The following AGBL4 variants were observed in gnomAD, a reference collection of about 807,000 sequenced individuals.
The protein encoded by AGBL4 is cytosolic carboxypeptidase 6.
AGBL4 carries 58 observed loss-of-function variants against 66.4 expected under a neutral mutation model. The observed-to-expected ratio is 0.87, with a 90% confidence interval of 0.71 to 1.09. The LOEUF (loss-of-function observed/expected upper bound fraction) is 1.09. Among genes scored for constraint, AGBL4 ranks in the 50% least tolerant of loss-of-function variants. The pLI, the probability that AGBL4 is intolerant of heterozygous loss-of-function variation, is 0.00. For synonymous variants in AGBL4, 234 were observed against 222.9 expected (o/e 1.05, Z -0.44); for missense variants, 579 against 631.0 (o/e 0.92, Z 0.88).
At chr1:49,653,914 A>G (rs1349908654) in intron 3 of AGBL4, among the ~76,000 whole-genome samples, 1 of 152,114 alleles carries the variant, frequency 6.6e-6, no homozygotes, top group Non-Finnish European at 1.5e-5. Context: ...GATATCATCT[A>G]GGAGAACTTC....
At chr1:49,118,182 T>A (rs1346049784) in intron 4 of AGBL4, among the ~76,000 whole-genome samples, 2 of 152,218 alleles carry the variant, frequency 1.3e-5, no homozygotes, top group African/African-American at 2.4e-5. Context: ...TTTGACTTCC[T>A]CTTTTCCTAA....
chr1:48,866,909 A>G (rs1365122315), intron 6 of AGBL4, among the ~76,000 whole-genome samples: 1 of 152,146 alleles, frequency 6.6e-6, no homozygotes, highest in African/African-American at 2.4e-5. Context: ...CGTGGGTCCA[A>G]TGAGTGATTT....
At chr1:49,293,530 C>A (rs532231928) in intron 3 of AGBL4, among the ~76,000 whole-genome samples, 6 of 152,234 alleles carry the variant, frequency 3.9e-5, no homozygotes, top group Non-Finnish European at 8.8e-5. Context: ...ATATGGTAGT[C>A]TCCAATAAAA....
At chr1:50,021,218 A>G (rs1048765181) in intron 1 of AGBL4, among the ~76,000 whole-genome samples, 1 of 152,158 alleles carries the variant, frequency 6.6e-6, no homozygotes, top group Non-Finnish European at 1.5e-5. Context: ...TAATCTCTCC[A>G]GTCGCACCTT....
chr1:48,815,654 TCTATAGAGCAC>T (rs1016465527), intron 6 of AGBL4, among the ~76,000 whole-genome samples: 12 of 152,182 alleles, frequency 7.9e-5, no homozygotes, highest in African/African-American at 2.7e-4. Context: ...ATACTCAGTA[TCTATAGAGCAC>T]CTGGCACACA....
At chr1:49,179,135 C>T (rs528102873) in intron 4 of AGBL4, among the ~76,000 whole-genome samples, 10 of 152,210 alleles carry the variant, frequency 6.6e-5, no homozygotes, top group African/African-American at 1.7e-4. Context: ...GCATTTTAAA[C>T]AGATTTTCAT....
At chr1:49,551,788 G>T (rs1652977614) in intron 3 of AGBL4, among the ~76,000 whole-genome samples, 1 of 152,238 alleles carries the variant, frequency 6.6e-6, no homozygotes, top group African/African-American at 2.4e-5. Flanking sequence ...CCGGTAGGTA[G>T]TGCTGTCCAG....
At chr1:49,871,332 C>T (rs950164577) in intron 1 of AGBL4, among the ~76,000 whole-genome samples, 1 of 151,856 alleles carries the variant, frequency 6.6e-6, no homozygotes, top group Non-Finnish European at 1.5e-5. Context: ...TAATTGGCCC[C>T]ATGATGTATT....
At chr1:49,151,971 A>G (rs941029710) in intron 4 of AGBL4, among the ~76,000 whole-genome samples, 1 of 152,120 alleles carries the variant, frequency 6.6e-6, no homozygotes, top group African/African-American at 2.4e-5. Context: ...TAGGAAAAAT[A>G]CTGGAAAGAG....
chr1:49,795,842 A>G (rs1180102151), intron 2 of AGBL4, among the ~76,000 whole-genome samples: 1 of 152,064 alleles, frequency 6.6e-6, no homozygotes, highest in Non-Finnish European at 1.5e-5. Flanking sequence ...TAAAACCATA[A>G]AAAGACTAGA....
chr1:48,837,196 G>C (rs1431339647), intron 6 of AGBL4, among the ~76,000 whole-genome samples: 4 of 151,868 alleles, frequency 2.6e-5, no homozygotes, highest in Non-Finnish European at 4.4e-5. Flanking sequence ...AATATTTTTG[G>C]TGAGATGGCA....
intron 3 of AGBL4, among the ~76,000 whole-genome samples, chr1:49,520,348 T>C (rs1044488434): frequency 3.0e-4 from 46 of 151,998 alleles, no homozygotes; most frequent in African/African-American, 1.1e-3. Context: ...CTGAAATAAG[T>C]AAAAATTAAA....
At chr1:48,787,513 T>A (rs1266783010) in intron 6 of AGBL4, among the ~76,000 whole-genome samples, 1 of 152,208 alleles carries the variant, frequency 6.6e-6, no homozygotes, top group Non-Finnish European at 1.5e-5. Flanking sequence ...CTTATTAATG[T>A]CAACCAATAT....
chr1:49,758,686 C>A (rs1332379833), intron 2 of AGBL4, among the ~76,000 whole-genome samples: 2 of 151,472 alleles, frequency 1.3e-5, no homozygotes, highest in Admixed American at 6.6e-5. Context: ...ATGCCCATAA[C>A]CCAATCATAT....
At chr1:49,350,445 C>T (rs1163658580) in intron 3 of AGBL4, among the ~76,000 whole-genome samples, 2 of 151,990 alleles carry the variant, frequency 1.3e-5, no homozygotes, top group African/African-American at 4.8e-5. Context: ...CCTCGTGATC[C>T]GCCCGCCTCG....
intron 3 of AGBL4, among the ~76,000 whole-genome samples, chr1:49,325,308 C>A (rs1255935538): frequency 1.3e-5 from 2 of 152,154 alleles, no homozygotes; most frequent in Non-Finnish European, 2.9e-5. Context: ...ATGAAGATAA[C>A]TTACAAACAG....
chr1:49,545,197 ACTCT>A (rs1355777923), intron 3 of AGBL4, among the ~76,000 whole-genome samples: 4 of 152,114 alleles, frequency 2.6e-5, no homozygotes, highest in Admixed American at 2.0e-4. Context: ...TTGCTAGAAG[ACTCT>A]CTCTATTGCT....
At chr1:49,697,579 C>A (rs933165261) in intron 2 of AGBL4, 142 bp from the exon 3 acceptor site, 1 of 675,354 alleles carries the variant, frequency 1.5e-6, no homozygotes, top group Non-Finnish European at 2.3e-6. Flanking sequence ...ATCCAAAGGG[C>A]TGCCAAGTCT....
chr1:50,021,322 G>A (rs1422956903), intron 1 of AGBL4, among the ~76,000 whole-genome samples: 2 of 151,986 alleles, frequency 1.3e-5, no homozygotes, highest in Non-Finnish European at 2.9e-5. Flanking sequence ...CACACCCATG[G>A]CTTGAGTAAT....
Sources: gnomAD v4.1 joint callset for allele counts (sites outside exome capture counted in the v4.1 genomes callset) on GRCh38, gnomAD v4.1.1 for gene constraint, MANE v1.5 for transcripts, NCBI Gene and HGNC (gene_info 2026-07-23, HGNC 2026-07-21) for gene names.